Variants in ZBTB40 observed in about 807,000 individuals in gnomAD.
ZBTB40 encodes the protein zinc finger and BTB domain containing 40, also known as zinc finger and BTB domain-containing protein 40.
Under a neutral mutation model 117.5 loss-of-function variants are expected in ZBTB40, and 60 were observed. That is an observed-to-expected ratio of 0.51 (90% CI 0.41 to 0.63). The LOEUF (loss-of-function observed/expected upper bound fraction) is 0.63. ZBTB40 is among the 30% of genes least tolerant of loss of function. The pLI is 0.00. For missense variants in ZBTB40, 1,287 were observed against 1,498.5 expected (o/e 0.86, Z 2.33); for synonymous variants, 525 against 577.1 (o/e 0.91, Z 1.29).
chr1:22,462,295 C>T (rs1298231633), intron 1 of ZBTB40, among the ~76,000 whole-genome samples: 1 of 152,190 alleles, frequency 6.6e-6, no homozygotes, highest in East Asian at 1.9e-4. Flanking sequence ...CTACCACTCA[C>T]TGGCTTTGTG....
At chr1:22,466,046 A>G (rs1037415761) in intron 1 of ZBTB40, among the ~76,000 whole-genome samples, 1 of 152,184 alleles carries the variant, frequency 6.6e-6, no homozygotes, top group Non-Finnish European at 1.5e-5. Context: ...TCTTCCCCAA[A>G]GAGTCTGGTA....
intron 6 of ZBTB40, among the ~76,000 whole-genome samples, chr1:22,507,374 T>G (rs1639099777): frequency 6.6e-6 from 1 of 152,230 alleles, no homozygotes; most frequent in Admixed American, 6.5e-5. Flanking sequence ...GATTATGCTT[T>G]GATAGTTGTC....
intron 16 of ZBTB40, among the ~76,000 whole-genome samples, chr1:22,522,742 AT>A (rs1639566800): frequency 6.6e-6 from 1 of 151,146 alleles, no homozygotes; most frequent in East Asian, 2.0e-4. Flanking sequence ...AATAAATACA[AT>A]TCCAGTTATA....
intron 15 of ZBTB40, among the ~76,000 whole-genome samples, 187 bp from the exon 16 acceptor site, chr1:22,522,190 T>C (rs376194128): frequency 1.3e-4 from 20 of 152,362 alleles, no homozygotes; most frequent in Middle Eastern, 6.8e-3. Flanking sequence ...CCAGGCAGTC[T>C]GGATCCAGAT....
intron 1 of ZBTB40, among the ~76,000 whole-genome samples, chr1:22,431,954 C>A (rs965130060): frequency 7.1e-6 from 1 of 141,780 alleles, no homozygotes; most frequent in Non-Finnish European, 1.5e-5. Context: ...TTGCCCTGTG[C>A]CAGTTTTCAA....
At position 22,490,271 on chromosome 1, in the gene ZBTB40, G is replaced by A. The variant is rs1638588956; in HGVS notation, c.323G>A (p.Ser108Asn). 5 of 1,614,090 alleles carry A rather than the reference G, an allele frequency of 3.1e-6. No homozygotes were observed. Among genetic ancestry groups the A allele is most frequent in the Non-Finnish European group, 3.4e-6 (4 of 1,180,042 alleles). ...CTACAGATGTTTGATGTAGCTGTTA[G>A]CTGCAAAAATCTTCTGACCAGCCTT... ...DSLQMFDVAVSCKNLLTSLVN... is the reference protein window; with the variant it reads ...DSLQMFDVAVNCKNLLTSLVN... Residue 108 changes from serine (S) to asparagine (N), a missense_variant, in exon 2 of 18, where the codon AGC (serine) becomes AAC (asparagine). Transcript: ENST00000375647.
intron 1 of ZBTB40, among the ~76,000 whole-genome samples, chr1:22,486,116 T>C (rs547808523): frequency 6.6e-6 from 1 of 152,344 alleles, no homozygotes; most frequent in African/African-American, 2.4e-5. Flanking sequence ...TCTTTTAGTA[T>C]GCCTTGTAAT....
chr1:22,445,297 T>A (rs1331799630), intron 1 of ZBTB40, among the ~76,000 whole-genome samples: 1 of 152,160 alleles, frequency 6.6e-6, no homozygotes, highest in Non-Finnish European at 1.5e-5. Flanking sequence ...TGGCTTTCCA[T>A]GTGGAAGAGG....
chr1:22,492,357 A>T (rs1217261416), intron 3 of ZBTB40, among the ~76,000 whole-genome samples: 1 of 152,208 alleles, frequency 6.6e-6, no homozygotes. Flanking sequence ...TAAGTAACTC[A>T]GTTGAGACGC....
intron 1 of ZBTB40, among the ~76,000 whole-genome samples, chr1:22,432,422 A>G (rs1030728509): frequency 6.6e-6 from 1 of 152,174 alleles, no homozygotes; most frequent in African/African-American, 2.4e-5. Flanking sequence ...CTCCGTCTGT[A>G]TTCTTTGGAG....
chr1:22,490,321 G>A lies in ZBTB40; in HGVS notation c.373G>A (p.Val125Met), dbSNP rs777588953. Reference protein sequence around the residue: ...SLVNCSVQGQVVRDVSAPSSE... With the variant: ...SLVNCSVQGQMVRDVSAPSSE... Reference sequence around the variant, plus strand: ...TGTAAACTGCTCGGTTCAGGGTCAGGTGGTAAGGGATGTCTCTGCGCCATC... The same window carrying A: ...TGTAAACTGCTCGGTTCAGGGTCAGATGGTAAGGGATGTCTCTGCGCCATC... Residue 125 changes from valine to methionine, a missense_variant, in exon 2 of 18, where the codon GTG becomes ATG. Physicochemically the swap from Val to Met is conservative, Grantham distance 21 (BLOSUM62 1). This residue lies in a region of ZBTB40 where 870 missense variants were observed against 934.4 expected (regional missense o/e 0.93). Transcript: ENST00000375647. 3 of 1,614,186 alleles carry A rather than the reference G, an allele frequency of 1.9e-6. No individual in the cohort carries two copies. Among genetic ancestry groups the A allele is most frequent in the South Asian group, 2.2e-5 (2 of 91,080 alleles).
intron 1 of ZBTB40, among the ~76,000 whole-genome samples, chr1:22,442,218 G>A (rs1640741732): frequency 6.6e-6 from 1 of 152,130 alleles, no homozygotes; most frequent in Admixed American, 6.5e-5. Context: ...TGTCTCATGT[G>A]CACATGAGAA....
chr1:22,465,754 G>GT (rs1177296906), intron 1 of ZBTB40, among the ~76,000 whole-genome samples: 1 of 152,142 alleles, frequency 6.6e-6, no homozygotes, highest in Non-Finnish European at 1.5e-5. Context: ...TGCAGCCATG[G>GT]TTTGGGGGGT....
At chr1:22,468,452 ATGTT>A (rs1641310470) in intron 1 of ZBTB40, among the ~76,000 whole-genome samples, 1 of 144,832 alleles carries the variant, frequency 6.9e-6, no homozygotes, top group Non-Finnish European at 1.5e-5. Flanking sequence ...AAAATTTAAA[ATGTT>A]AATGTTTCCT....
intron 16 of ZBTB40, among the ~76,000 whole-genome samples, chr1:22,523,372 A>G (rs1171127598): frequency 6.6e-6 from 1 of 152,188 alleles, no homozygotes; most frequent in Non-Finnish European, 1.5e-5. Context: ...TTTGACATAG[A>G]TTTTTATCAT....
intron 3 of ZBTB40, among the ~76,000 whole-genome samples, chr1:22,496,005 G>T (rs1638764319): frequency 6.6e-6 from 1 of 152,168 alleles, no homozygotes; most frequent in Admixed American, 6.5e-5. Context: ...GCATTTTCCA[G>T]TTCTCTCATC....
At chr1:22,523,918 A>C (rs1639605994) in intron 16 of ZBTB40, among the ~76,000 whole-genome samples, 1 of 152,218 alleles carries the variant, frequency 6.6e-6, no homozygotes, top group African/African-American at 2.4e-5. Context: ...CTTTATCTGC[A>C]GTTGAATGAA....
intron 1 of ZBTB40, among the ~76,000 whole-genome samples, chr1:22,444,043 G>A (rs1640761615): frequency 6.6e-6 from 1 of 152,170 alleles, no homozygotes; most frequent in Admixed American, 6.5e-5. Flanking sequence ...AGCGGGGCAG[G>A]AGAGGGACTC....
chr1:22,469,411 C>A lies in ZBTB40; in HGVS notation c.-70+17407C>A, dbSNP rs1393171696. On this transcript the variant is annotated intron_variant, in intron 1 of 17. Transcript: ENST00000375647. ...CAAAGAGCACTACAGCCTTGGCCTCCTGGCCTCAAGCCATTCTCTTGTGCC... is the reference window on the plus strand; with the variant it reads ...CAAAGAGCACTACAGCCTTGGCCTCATGGCCTCAAGCCATTCTCTTGTGCC... Among the ~76,000 whole-genome samples, 4 of 152,322 alleles carry A rather than the reference C, an allele frequency of 2.6e-5. No homozygotes were observed. The East Asian group carries it at 7.7e-4, about 29-fold the overall frequency.
Sources: gnomAD v4.1 joint callset for allele counts (sites outside exome capture counted in the v4.1 genomes callset) on GRCh38, gnomAD v4.1.1 for gene constraint, gnomAD v4.1.1 regional missense constraint, MANE v1.5 for transcripts, NCBI Gene and HGNC (gene_info 2026-07-23, HGNC 2026-07-21) for gene names.